Variants in MED12L observed in about 807,000 individuals in gnomAD.
MED12L encodes mediator of RNA polymerase II transcription subunit 12-like protein.
In MED12L, 60 loss-of-function variants were observed where a neutral mutation model predicts 281.3. The observed-to-expected ratio is 0.21, with a 90% CI of 0.17 to 0.26. The LOEUF is 0.26. MED12L is among the 10% of genes least tolerant of loss of function. The pLI is 1.00. For missense variants in MED12L, 2,146 were observed against 2,680.9 expected (o/e 0.80, Z 4.41); for synonymous variants, 974 against 987.2 (o/e 0.99, Z 0.25).
At chr3:151,396,767 G>A (rs1371932446) in intron 39 of MED12L, among the ~76,000 whole-genome samples, 1 of 152,038 alleles carries the variant, frequency 6.6e-6, no homozygotes, top group Non-Finnish European at 1.5e-5. Context: ...AATTAACTTT[G>A]AAGTACTTGT....
intron 42 of MED12L, among the ~76,000 whole-genome samples, chr3:151,413,873 ATTTTTTTT>A: frequency 6.9e-6 from 1 of 143,900 alleles, no homozygotes; most frequent in East Asian, 2.1e-4. Context: ...CCCTTGATAC[ATTTTTTTT>A]TTTTTTTCCC....
At chr3:151,317,181 T>G (rs1259162597) in intron 16 of MED12L, among the ~76,000 whole-genome samples, 1 of 152,164 alleles carries the variant, frequency 6.6e-6, no homozygotes, top group Non-Finnish European at 1.5e-5. Context: ...CTACATATTA[T>G]TTAAAGAGTA....
At position 151,411,319 on chromosome 3, in the gene MED12L, T is replaced by G; in HGVS notation, c.5952T>G (p.Pro1984=). The change falls in exon 41 of 45, where the codon CCT becomes CCG. Residue 1984 remains proline, a synonymous_variant. Transcript: ENST00000687756. ...ATACAATGTATGGGACACAGATGCC[T>G]TTGCAGCAGACATCGCAGCAGCAGG... The part of the protein sequence containing the change: ...QGYTMYGTQM[P]LQQTSQQQAG... 6.2e-7 allele frequency: 1 copy of G among 1,614,210 alleles called. No individual in the cohort carries two copies. Among genetic ancestry groups the G allele is most frequent in the Non-Finnish European group, 8.5e-7 (1 of 1,180,028 alleles).
intron 5 of MED12L, among the ~76,000 whole-genome samples, chr3:151,135,237 G>A (rs764044196): frequency 6.6e-6 from 1 of 152,174 alleles, no homozygotes; most frequent in Non-Finnish European, 1.5e-5. Context: ...GGTTGGTCTT[G>A]AACTCCTGAC....
At chr3:151,133,326 G>C (rs184591712) in intron 5 of MED12L, among the ~76,000 whole-genome samples, 1 of 152,168 alleles carries the variant, frequency 6.6e-6, no homozygotes, top group Non-Finnish European at 1.5e-5. Flanking sequence ...CCTTACTGTC[G>C]TTATGCAGAG....
chr3:151,116,543 C>T (rs577522444), intron 3 of MED12L, 101 bp downstream of exon 3: 1 of 740,238 alleles, frequency 1.4e-6, no homozygotes, highest in Admixed American at 2.3e-5. Flanking sequence ...AAGCCACAGT[C>T]CATATTCAGA....
At chr3:151,198,208 T>G in intron 16 of MED12L, 2 of 406,596 alleles carry the variant, frequency 4.9e-6, no homozygotes, top group East Asian at 7.4e-5. Flanking sequence ...TTTAGTTTTT[T>G]GTACAAATAT....
Position 151,436,469 on chromosome 3 carries a change from A to G in MED12L, c.*3665A>G, listed in dbSNP as rs1720231716. 4.8e-6 allele frequency: 2 copies of G among 416,296 alleles called. No homozygotes were observed. The highest frequency in any genetic ancestry group is 8.5e-6 in the Non-Finnish European group (2 of 236,332). The allele number at this position is 416,296 out of a possible 1,614,324, so 25.8% of individuals were successfully genotyped here. A position where few individuals can be genotyped will look rare whatever the true frequency, so the allele number is the denominator to read the frequency against. Reference sequence around the variant, plus strand: ...TTTATTGTTATTTGTTGGCAAAATAAAAGTGCCTTAAGTTAAAAGTTTGTT... The same window carrying G: ...TTTATTGTTATTTGTTGGCAAAATAGAAGTGCCTTAAGTTAAAAGTTTGTT... On this transcript the variant is annotated 3_prime_UTR_variant, in exon 45 of 45. Transcript: ENST00000687756.
chr3:151,323,522 T>C (rs1351953264), intron 16 of MED12L, among the ~76,000 whole-genome samples: 2 of 152,166 alleles, frequency 1.3e-5, no homozygotes, highest in African/African-American at 4.8e-5. Context: ...CACAGCACAG[T>C]TCCACCCCTA....
intron 16 of MED12L, chr3:151,300,024 T>A (rs746949740): frequency 1.5e-6 from 2 of 1,346,204 alleles, no homozygotes; most frequent in East Asian, 2.3e-5. Context: ...ATAATAGTCA[T>A]CAATAAAGTA....
intron 1 of MED12L, 27 bp from the exon 2 acceptor site, chr3:151,086,771 A>T: frequency 1.7e-6 from 1 of 590,832 alleles, no homozygotes; most frequent in Admixed American, 3.4e-5. Flanking sequence ...GGCAGCATCC[A>T]ACCTGCTTTA....
intron 16 of MED12L, among the ~76,000 whole-genome samples, chr3:151,273,402 A>ATTT (rs531443713): frequency 0.19 from 21,637 of 113,378 alleles, 2,551 homozygotes; most frequent in South Asian, 0.34. Flanking sequence ...TAATTTTTGT[A>ATTT]TTTTTTTTTT....
intron 16 of MED12L, among the ~76,000 whole-genome samples, chr3:151,251,293 G>A (rs1349393857): frequency 3.3e-5 from 5 of 152,004 alleles, no homozygotes; most frequent in Non-Finnish European, 7.4e-5. Flanking sequence ...CTCAATTTGT[G>A]ATAATACCAT....
chr3:151,224,383 A>G lies in MED12L; in HGVS notation c.2250+30717A>G, dbSNP rs35014137. ...TATAGATGTATGTAATCATTTATAC[A>G]TTTTTAAACTTACTGAAGCCATTTT... On this transcript the variant is annotated intron_variant, in intron 16 of 44. Coordinates refer to ENST00000687756, the MANE Select transcript of MED12L (RefSeq NM_001393769.1). 8.2e-3 allele frequency among the ~76,000 whole-genome samples: 1,238 copies of G among 151,246 alleles called. 9 individuals are homozygous for G. The highest frequency in any genetic ancestry group is 0.013 in the Non-Finnish European group (892 of 67,926).
intron 16 of MED12L, among the ~76,000 whole-genome samples, chr3:151,309,131 ACACACACACG>A (rs1242608523): frequency 8.8e-5 from 12 of 135,958 alleles, no homozygotes; most frequent in South Asian, 2.5e-4. Context: ...ACACACACAC[ACACACACACG>A]CACACACACA....
intron 16 of MED12L, among the ~76,000 whole-genome samples, chr3:151,299,353 C>CT (rs1559999458): frequency 8.8e-5 from 5 of 57,022 alleles, no homozygotes; most frequent in South Asian, 6.1e-4. Context: ...TCCTTCCTTC[C>CT]TTCTTTCTTT....
chr3:151,356,112 C>G, intron 19 of MED12L, 73 bp downstream of exon 19: 1 of 1,458,032 alleles, frequency 6.9e-7, no homozygotes, highest in South Asian at 1.3e-5. Context: ...TTAAAGTGAG[C>G]CAATTAGCTG....
At chr3:151,094,590 G>A (rs1368453731) in intron 2 of MED12L, among the ~76,000 whole-genome samples, 1 of 152,144 alleles carries the variant, frequency 6.6e-6, no homozygotes, top group Non-Finnish European at 1.5e-5. Context: ...TCATGATACT[G>A]TTCTCTTTCT....
Position 151,193,509 on chromosome 3 carries a change from G to A in MED12L, c.2093G>A (p.Gly698Glu). 6.2e-7 allele frequency: 1 copy of A among 1,613,340 alleles called. No individual in the cohort carries two copies. The highest frequency in any genetic ancestry group is 1.1e-5 in the South Asian group (1 of 90,974). The change falls in exon 16 of 45, where the codon GGA (glycine) becomes GAA (glutamate). Residue 698 changes from glycine to glutamate, a missense_variant. Gly to Glu is a moderately conservative substitution (Grantham distance 98). Coordinates refer to ENST00000687756, the MANE Select transcript of MED12L (RefSeq NM_001393769.1). ...ACTTAGATTTTTTCTCCTATGCCTG[G>A]AGAATCCTGTGAGAATGCCAACACT... ...SEFPIFSPMPGESCENANTSL... is the reference protein window; with the variant it reads ...SEFPIFSPMPEESCENANTSL...
Sources: allele counts gnomAD v4.1 joint callset (sites outside exome capture counted in the v4.1 genomes callset), GRCh38; gene constraint gnomAD v4.1.1; transcripts MANE v1.5; gene names NCBI Gene and HGNC (gene_info 2026-07-23, HGNC 2026-07-21).